The following DLG2 variants were observed in gnomAD, a reference collection of about 807,000 sequenced individuals.
DLG2 encodes discs large MAGUK scaffold protein 2, also known as disks large homolog 2.
Under a neutral mutation model 132.5 loss-of-function variants are expected in DLG2, and 45 were observed. The observed-to-expected ratio is 0.34, with a 90% CI of 0.27 to 0.44. The LOEUF (loss-of-function observed/expected upper bound fraction) is 0.44, where lower values mean the gene tolerates loss of function less well. DLG2 is among the 20% of genes least tolerant of loss of function. DLG2 has a pLI of 1.00. For synonymous variants in DLG2, 424 were observed against 419.6 expected (o/e 1.01, Z -0.13); for missense variants, 1,045 against 1,196.9 (o/e 0.87, Z 1.87).
At chr11:85,265,074 C>T (rs1189149972) in intron 4 of DLG2, among the ~76,000 whole-genome samples, 1 of 152,194 alleles carries the variant, frequency 6.6e-6, no homozygotes, top group Non-Finnish European at 1.5e-5. Context: ...CAGCTATAAA[C>T]TCTCCCTACT....
At chr11:85,157,242 G>A (rs1292928267) in intron 4 of DLG2, among the ~76,000 whole-genome samples, 1 of 152,054 alleles carries the variant, frequency 6.6e-6, no homozygotes, top group East Asian at 1.9e-4. Context: ...GTGGGACCTT[G>A]TGATCATATC....
At chr11:83,713,891 A>G (rs620428) in intron 18 of DLG2, among the ~76,000 whole-genome samples, 150,621 of 152,316 alleles carry the variant, frequency 0.99, 74,476 homozygotes, top group East Asian at 1. Context: ...CAAGGATGAA[A>G]AGAGCATTGG....
chr11:85,178,439 T>C (rs1566972297), intron 4 of DLG2, among the ~76,000 whole-genome samples: 2 of 151,976 alleles, frequency 1.3e-5, no homozygotes, highest in Admixed American at 1.3e-4. Flanking sequence ...ATAAATAGTT[T>C]TTAAAAGAAA....
intron 3 of DLG2, among the ~76,000 whole-genome samples, chr11:85,489,912 AT>A (rs2093518452): frequency 1.3e-5 from 2 of 152,176 alleles, no homozygotes; most frequent in East Asian, 3.9e-4. Context: ...AAATAAAAAT[AT>A]TTTTTTCTTG....
At chr11:85,512,610 G>A (rs1239066922) in intron 3 of DLG2, among the ~76,000 whole-genome samples, 1 of 151,930 alleles carries the variant, frequency 6.6e-6, no homozygotes, top group Non-Finnish European at 1.5e-5. Context: ...TCCTAGCCAG[G>A]TTTATTCTTG....
At chr11:84,348,129 ACTTATCATT>A (rs1486163528) in intron 7 of DLG2, among the ~76,000 whole-genome samples, 1 of 152,192 alleles carries the variant, frequency 6.6e-6, no homozygotes, top group Non-Finnish European at 1.5e-5. Context: ...TCTTATTATT[ACTTATCATT>A]CTTATCATTA....
intron 14 of DLG2, among the ~76,000 whole-genome samples, chr11:83,957,041 A>C (rs1449929855): frequency 1.3e-5 from 2 of 152,228 alleles, no homozygotes; most frequent in African/African-American, 4.8e-5. Context: ...TTGTAATAAG[A>C]ATATTTTTAC....
chr11:83,913,221 T>C (rs927138198), intron 15 of DLG2, among the ~76,000 whole-genome samples: 1 of 152,112 alleles, frequency 6.6e-6, no homozygotes, highest in Non-Finnish European at 1.5e-5. Flanking sequence ...TCTGCTATGG[T>C]CTCTGTTAGA....
In DLG2 at chr11:84,651,944, G is replaced by A. The variant is rs372663470; in HGVS notation, c.358-117213C>T. On this transcript the variant is annotated intron_variant, in intron 6 of 27. Coordinates refer to ENST00000376104, the MANE Select transcript of DLG2 (RefSeq NM_001142699.3). ...AATGAAGTGGTCAGAATTATTGGAA[G>A]GCGGAGGAGGTACATTGGGAGATGA... 3.9e-5 allele frequency among the ~76,000 whole-genome samples: 6 copies of A among 152,280 alleles called. No homozygotes were observed. The South Asian group carries it at 1.2e-3, about 32-fold the overall frequency.
chr11:84,568,935 G>A (rs767438346), intron 6 of DLG2, among the ~76,000 whole-genome samples: 2 of 152,118 alleles, frequency 1.3e-5, no homozygotes, highest in African/African-American at 2.4e-5. Context: ...TATCTTGAAC[G>A]GTATCTCCCC....
intron 3 of DLG2, among the ~76,000 whole-genome samples, chr11:85,507,977 G>C (rs1306537446): frequency 1.3e-5 from 2 of 151,802 alleles, no homozygotes; most frequent in Non-Finnish European, 2.9e-5. Context: ...CACTTATACT[G>C]TTTCTTTCAG....
rs141205017 is a variant in DLG2, at chr11:83,757,183, G to A, written c.1825+29507C>T. Among the ~76,000 whole-genome samples the A allele has an allele frequency of 1.6e-3, 247 of 152,272 alleles. 1 individual carries two copies. The highest frequency in any genetic ancestry group is 5.9e-3 in the African/African-American group (245 of 41,552). ...TATGAAGAAAAATGAGGCTCAGAAA[G>A]GCTAAACAACTTTCCCAAGGTCAGC... On this transcript the variant is annotated intron_variant, in intron 18 of 27. Coordinates refer to ENST00000376104, the MANE Select transcript of DLG2 (RefSeq NM_001142699.3).
chr11:84,659,011 C>A (rs2099691532), intron 6 of DLG2, among the ~76,000 whole-genome samples: 1 of 152,164 alleles, frequency 6.6e-6, no homozygotes, highest in African/African-American at 2.4e-5. Flanking sequence ...TCTTGGAATT[C>A]CAAGCTCCCA....
At chr11:84,090,806 A>C (rs938027589) in intron 10 of DLG2, among the ~76,000 whole-genome samples, 49 of 152,228 alleles carry the variant, frequency 3.2e-4, no homozygotes, top group African/African-American at 1.2e-3. Context: ...AAGGTTAATA[A>C]TGTTTTCCAA....
chr11:84,291,425 T>G (rs1342292294), intron 7 of DLG2, among the ~76,000 whole-genome samples: 1 of 152,188 alleles, frequency 6.6e-6, no homozygotes, highest in Non-Finnish European at 1.5e-5. Context: ...ATTTACATTA[T>G]GTATTATAAA....
chr11:84,770,035 T>C (rs1174571626), intron 6 of DLG2, among the ~76,000 whole-genome samples: 1 of 152,180 alleles, frequency 6.6e-6, no homozygotes, highest in East Asian at 1.9e-4. Flanking sequence ...AGATGGGGCC[T>C]GGTGGGAGAT....
At chr11:85,440,876 T>C (rs1315851851) in intron 3 of DLG2, among the ~76,000 whole-genome samples, 4 of 152,144 alleles carry the variant, frequency 2.6e-5, no homozygotes, top group Non-Finnish European at 5.9e-5. Context: ...ATGAAGTAGA[T>C]AATTTGGGTC....
chr11:84,439,041 T>C (rs1002773657), intron 7 of DLG2, among the ~76,000 whole-genome samples: 3 of 152,014 alleles, frequency 2.0e-5, no homozygotes, highest in Non-Finnish European at 2.9e-5. Flanking sequence ...CAATTGGAGG[T>C]AGAACAAGAC....
chr11:85,208,559 C>T (rs1402275782), intron 4 of DLG2, among the ~76,000 whole-genome samples: 1 of 152,112 alleles, frequency 6.6e-6, no homozygotes, highest in Non-Finnish European at 1.5e-5. Context: ...AGTGTCAAGC[C>T]AGTCTTATTA....
Sources: gnomAD v4.1 joint callset for allele counts (sites outside exome capture counted in the v4.1 genomes callset) on GRCh38, gnomAD v4.1.1 for gene constraint, MANE v1.5 for transcripts, NCBI Gene and HGNC (gene_info 2026-07-23, HGNC 2026-07-21) for gene names.